Variants in GPX6 observed in about 807,000 individuals in gnomAD.
GPX6 encodes glutathione peroxidase 6 (olfactory).
Under a neutral mutation model 20.0 loss-of-function variants are expected in GPX6, and 21 were observed. The ratio of observed to expected loss-of-function variants is 1.05; its 90% CI spans 0.74 to 1.51. GPX6 has a LOEUF of 1.51. GPX6 is among the 40% of genes most tolerant of loss of function. The probability of loss-of-function intolerance (pLI) is 0.00; values close to 1 mark genes in which losing one functional copy is unlikely to be tolerated. For synonymous variants in GPX6, 75 were observed against 98.0 expected (o/e 0.77, Z 1.38); for missense variants, 233 against 254.7 (o/e 0.91, Z 0.58).
intron 1 of GPX6, among the ~76,000 whole-genome samples, chr6:28,511,881 C>T (rs1762883495): frequency 6.6e-6 from 1 of 152,240 alleles, no homozygotes; most frequent in Non-Finnish European, 1.5e-5. Flanking sequence ...GTGGCACTTG[C>T]GGGCCAGCGC....
intron 2 of GPX6, among the ~76,000 whole-genome samples, chr6:28,508,798 C>A (rs35331191): frequency 0.025 from 3,733 of 151,874 alleles, 85 homozygotes; most frequent in African/African-American, 0.066. Context: ...CAGAGCAAGA[C>A]CCTGTCTCAA....
chr6:28,507,178 T>G (rs1353501480), intron 2 of GPX6, among the ~76,000 whole-genome samples: 1 of 152,238 alleles, frequency 6.6e-6, no homozygotes, highest in Admixed American at 6.5e-5. Context: ...AATTTCCATC[T>G]TCAGCTATTT....
At chr6:28,511,082 CTT>C (rs1384629009) in intron 1 of GPX6, among the ~76,000 whole-genome samples, 178 bp from the exon 2 acceptor site, 1 of 152,106 alleles carries the variant, frequency 6.6e-6, no homozygotes, top group Non-Finnish European at 1.5e-5. Flanking sequence ...GAATTTATGT[CTT>C]CTAAATTACA....
At chr6:28,513,105 G>C in intron 1 of GPX6, among the ~76,000 whole-genome samples, 1 of 152,308 alleles carries the variant, frequency 6.6e-6, no homozygotes, top group Admixed American at 6.5e-5. Context: ...GGGCTCCAGG[G>C]AAAAACCATC....
chr6:28,513,406 G>A (rs1011850693), intron 1 of GPX6, among the ~76,000 whole-genome samples: 20 of 152,264 alleles, frequency 1.3e-4, no homozygotes, highest in African/African-American at 4.6e-4. Flanking sequence ...CTGCTAGTTT[G>A]TATGCTCCCC....
chr6:28,506,377 G>A lies in GPX6; in HGVS notation c.294C>T (p.Ala98=). 1 of 1,613,990 alleles carries A rather than the reference G, an allele frequency of 6.2e-7. No homozygotes were observed. The highest frequency in any genetic ancestry group is 8.5e-7 in the Non-Finnish European group (1 of 1,179,886). ...ELKNFGVIVL[A]FPCNQFGKQE... is the part of the protein sequence containing the mutation. ...GTTTTCCAAACTGGTTGCAGGGAAAGGCCAACACAATGACACCAAAATTCT... is the reference window on the plus strand; with the variant it reads ...GTTTTCCAAACTGGTTGCAGGGAAAAGCCAACACAATGACACCAAAATTCT... The change falls in exon 3 of 5, where the codon GCC becomes GCT. Residue 98 remains alanine, a synonymous_variant. Transcript: ENST00000361902.
chr6:28,509,611 T>A (rs545600365), intron 2 of GPX6, among the ~76,000 whole-genome samples: 2 of 152,354 alleles, frequency 1.3e-5, no homozygotes, highest in Admixed American at 1.3e-4. Context: ...TTTAAATTTA[T>A]CTTGAGCCAT....
intron 2 of GPX6, among the ~76,000 whole-genome samples, chr6:28,507,284 A>G (rs1166976204): frequency 6.6e-6 from 1 of 152,216 alleles, no homozygotes; most frequent in Non-Finnish European, 1.5e-5. Flanking sequence ...ACCTCCTCTT[A>G]AATAGAGAGT....
intron 2 of GPX6, among the ~76,000 whole-genome samples, chr6:28,506,706 A>AACACACACACACACACACACAC (rs56155284): frequency 2.3e-4 from 34 of 145,176 alleles, no homozygotes; most frequent in Middle Eastern, 3.6e-3. Flanking sequence ...TTTTTTTTTA[A>AACACACACACACACACACACAC]ACACACACAC....
intron 2 of GPX6, among the ~76,000 whole-genome samples, chr6:28,507,105 A>AC (rs1251682617): frequency 6.6e-6 from 1 of 152,026 alleles, no homozygotes; most frequent in Admixed American, 6.5e-5. Flanking sequence ...CAGGCCATAA[A>AC]CTCCAAATTG....
intron 4 of GPX6, 86 bp downstream of exon 4, chr6:28,505,617 A>T: frequency 9.9e-7 from 1 of 1,012,782 alleles, no homozygotes; most frequent in Non-Finnish European, 1.6e-6. Flanking sequence ...TTTTCCAAGG[A>T]GTCCAACCAC....
intron 2 of GPX6, among the ~76,000 whole-genome samples, chr6:28,508,776 C>T (rs35996215): frequency 0.022 from 3,424 of 152,246 alleles, 54 homozygotes; most frequent in Non-Finnish European, 0.035. Context: ...CCCTGCACTC[C>T]AGCCTGGGCG....
chr6:28,513,368 C>T (rs766709204), intron 1 of GPX6, among the ~76,000 whole-genome samples: 2 of 152,326 alleles, frequency 1.3e-5, no homozygotes, highest in Admixed American at 6.5e-5. Flanking sequence ...CACTCCTAGA[C>T]ACTGCCTTAA....
At chr6:28,509,530 T>C (rs1030538213) in intron 2 of GPX6, among the ~76,000 whole-genome samples, 1 of 152,180 alleles carries the variant, frequency 6.6e-6, no homozygotes, top group Non-Finnish European at 1.5e-5. Context: ...CGAGACTGTC[T>C]CAAAACAAAA....
At chr6:28,506,205 T>G in intron 3 of GPX6, 107 bp downstream of exon 3, 1 of 744,248 alleles carries the variant, frequency 1.3e-6, no homozygotes. Flanking sequence ...CTTCAACCCA[T>G]GTATCTATGG....
chr6:28,513,824 G>A (rs531991792), intron 1 of GPX6, among the ~76,000 whole-genome samples: 2 of 152,332 alleles, frequency 1.3e-5, no homozygotes, highest in East Asian at 3.9e-4. Context: ...GCCTGTGGGT[G>A]AGCTACTGTG....
intron 2 of GPX6, among the ~76,000 whole-genome samples, chr6:28,509,902 T>C (rs1326334709): frequency 6.6e-6 from 1 of 152,218 alleles, no homozygotes; most frequent in Non-Finnish European, 1.5e-5. Context: ...TCTTGGTCAT[T>C]TGCAGGTGCC....
intron 1 of GPX6, among the ~76,000 whole-genome samples, chr6:28,512,573 G>A (rs1762905904): frequency 6.6e-6 from 1 of 152,188 alleles, no homozygotes; most frequent in South Asian, 2.1e-4. Context: ...GGACCAATCA[G>A]CAGGATGTGG....
chr6:28,504,772 C>T lies in GPX6; in HGVS notation c.460-274G>A, dbSNP rs148797307. Among the ~76,000 whole-genome samples, 535 of 152,038 alleles carry T rather than the reference C, an allele frequency of 3.5e-3. 4 individuals are homozygous for T. The highest frequency in any genetic ancestry group is 0.015 in the South Asian group (70 of 4,808). Reference sequence around the variant, plus strand: ...TTCCTCTATTTCCATGGTTTTATCACGATGATTCAGTAAAAGACTATTTTC... The same window carrying T: ...TTCCTCTATTTCCATGGTTTTATCATGATGATTCAGTAAAAGACTATTTTC... On this transcript the variant is annotated intron_variant, in intron 4 of 4. Coordinates refer to ENST00000361902, the MANE Select transcript of GPX6 (RefSeq NM_182701.1).
Sources: allele counts gnomAD v4.1 joint callset (sites outside exome capture counted in the v4.1 genomes callset), GRCh38; gene constraint gnomAD v4.1.1; transcripts MANE v1.5; gene names NCBI Gene and HGNC (gene_info 2026-07-23, HGNC 2026-07-21).